The following STARD13 variants were observed in gnomAD, a reference collection of about 807,000 sequenced individuals.
STARD13 encodes stAR-related lipid transfer protein 13.
A neutral mutation model predicts 106.4 loss-of-function variants in STARD13; 62 were observed. The ratio of observed to expected loss-of-function variants is 0.58; its 90% CI spans 0.48 to 0.72. The LOEUF (loss-of-function observed/expected upper bound fraction) is 0.72, where lower values mean the gene tolerates loss of function less well. STARD13 is among the 30% of genes least tolerant of loss of function. The probability of loss-of-function intolerance (pLI) is 0.00; values close to 1 mark genes in which losing one functional copy is unlikely to be tolerated. For missense variants in STARD13, 1,387 were observed against 1,424.0 expected, an observed-to-expected ratio of 0.97 and a Z score of 0.42; for synonymous variants, 565 against 553.0, an observed-to-expected ratio of 1.02 and a Z score of -0.31.
At chr13:33,371,131 C>T in the STARD13 span, among the ~76,000 whole-genome samples, 1 of 152,206 alleles carries the variant, frequency 6.6e-6, no homozygotes, top group Non-Finnish European at 1.5e-5. Flanking sequence ...CTTCTACCAT[C>T]TGAGCAAAGA....
chr13:33,370,503 T>A, the STARD13 span, among the ~76,000 whole-genome samples: 1 of 152,222 alleles, frequency 6.6e-6, no homozygotes, highest in Non-Finnish European at 1.5e-5. Context: ...TTGGTTATAA[T>A]TTAATCAGTA....
the STARD13 span, among the ~76,000 whole-genome samples, chr13:33,373,105 A>G: frequency 6.6e-6 from 1 of 152,150 alleles, no homozygotes; most frequent in Non-Finnish European, 1.5e-5. Context: ...ACTGTACTAC[A>G]AATAATTTCT....
rs865827780 is a variant in STARD13 at position 33,163,609 on chromosome 13, T to A, written c.323+1728A>T. Among the ~76,000 whole-genome samples the A allele has an allele frequency of 2.5e-3, 180 of 71,516 alleles. 3 individuals carry two copies. The South Asian group carries it at 0.051, about 20-fold the overall frequency. The allele number at this position is 71,516 out of a possible 152,430, so 46.9% of individuals were successfully genotyped here. ...TGTCTCAAAAAAAAAAAAAAAAATA[T>A]ATATATATATATATAAAACATATAT... On this transcript the variant is annotated intron_variant, in intron 3 of 13. Coordinates refer to ENST00000336934, the MANE Select transcript of STARD13 (RefSeq NM_178006.4).
intron 1 of STARD13, among the ~76,000 whole-genome samples, chr13:33,235,625 A>G (rs1889149497): frequency 6.6e-6 from 1 of 152,248 alleles, no homozygotes; most frequent in Admixed American, 6.5e-5. Flanking sequence ...GAGTTACCAG[A>G]AAAGTCTGGT....
At chr13:33,124,438 T>G (rs1047876268) in intron 7 of STARD13, among the ~76,000 whole-genome samples, 1 of 151,948 alleles carries the variant, frequency 6.6e-6, no homozygotes, top group Non-Finnish European at 1.5e-5. Context: ...TTGAAATGAG[T>G]CTTCTTCCTC....
In STARD13 at chr13:33,312,320, G is replaced by C. The variant is rs144504635; in HGVS notation, c.124+37970C>G. On this transcript the variant is annotated intron_variant, in intron 1 of 5. Transcript: ENST00000567873. ...TTCCTTTTCTCTGAATGGCAATCCT[G>C]GGTTCTAGATGCCACCTAGCTGGGG... Among the ~76,000 whole-genome samples the C allele has an allele frequency of 2.1e-4, 32 of 152,274 alleles. No individual in the cohort carries two copies. In the East Asian group the frequency reaches 6.0e-3, roughly 28 times the overall value.
At chr13:33,528,257 C>CATATATATATATATGTATAT in the STARD13 span, among the ~76,000 whole-genome samples, 1 of 92,930 alleles carries the variant, frequency 1.1e-5, no homozygotes, top group African/African-American at 6.5e-5. Flanking sequence ...TATATATATA[C>CATATATATATATATGTATAT]ATATATATAT....
chr13:33,543,210 A>G, the STARD13 span, among the ~76,000 whole-genome samples: 1 of 152,102 alleles, frequency 6.6e-6, no homozygotes, highest in South Asian at 2.1e-4. Context: ...AGATGACACG[A>G]GCTTTGTGGC....
chr13:33,185,901 A>C (rs1334060402), intron 1 of STARD13: 1 of 1,614,080 alleles, frequency 6.2e-7, no homozygotes, highest in Non-Finnish European at 8.5e-7. Context: ...TGTGTGGTTC[A>C]CTCTGCTTTT....
chr13:33,336,277 G>A (rs1441866504), intron 1 of STARD13: 1 of 152,164 alleles, frequency 6.6e-6, no homozygotes, highest in African/African-American at 2.4e-5. Flanking sequence ...AGTAAAACTT[G>A]TTATAACTCT....
At chr13:33,125,979 G>A in intron 7 of STARD13, 102 bp downstream of exon 7, 2 of 1,315,446 alleles carry the variant, frequency 1.5e-6, no homozygotes, top group Non-Finnish European at 2.1e-6. Flanking sequence ...GGTGAGGCAT[G>A]TCTTGCCTGA....
At chr13:33,653,687 T>A in the STARD13 span, among the ~76,000 whole-genome samples, 4 of 147,846 alleles carry the variant, frequency 2.7e-5, no homozygotes, top group Non-Finnish European at 4.4e-5. Context: ...TTGGATTTTA[T>A]GAAAATTAAA....
chr13:33,514,759 T>C, the STARD13 span, among the ~76,000 whole-genome samples: 1 of 152,036 alleles, frequency 6.6e-6, no homozygotes, highest in South Asian at 2.1e-4. Context: ...TGACAGATGA[T>C]ACCATGGATT....
intron 1 of STARD13, among the ~76,000 whole-genome samples, chr13:33,342,439 A>T (rs1286653414): frequency 6.6e-6 from 1 of 151,640 alleles, no homozygotes; most frequent in Non-Finnish European, 1.5e-5. Flanking sequence ...CTTGAGAAGT[A>T]TTTTCCTTAA....
rs60423795 is a variant in STARD13, at chr13:33,177,833, G to T, written c.170-10211C>A. On this transcript the variant is annotated intron_variant, in intron 1 of 13. Transcript: ENST00000336934. ...GGAAGGAAGGAAGGAAGGAAGGAAG[G>T]AAGGAAGGAAAGGAAGGAAGGAAGG... is the stretch of plus-strand genomic sequence containing the variant. Among the ~76,000 whole-genome samples the T allele has an allele frequency of 9.4e-3, 239 of 25,338 alleles. 32 individuals carry two copies. The highest frequency in any genetic ancestry group is 0.076 in the African/African-American group (201 of 2,638). 16.6% of individuals were successfully genotyped at this position (25,338 alleles called of 152,430 possible). A position where few individuals can be genotyped will look rare whatever the true frequency, so the allele number is the denominator to read the frequency against.
rs573803707 is a variant in STARD13, at chr13:33,176,851, G to A, written c.170-9229C>T. ...AAATGTAATCCAAAAGGTTAAGAAA[G>A]TTACATCAACTATAAAAATGTTTTA... On this transcript the variant is annotated intron_variant, in intron 1 of 13. Transcript: ENST00000336934. 7.9e-5 allele frequency among the ~76,000 whole-genome samples: 12 copies of A among 152,192 alleles called. No individual in the cohort carries two copies. The East Asian group carries it at 2.1e-3, about 27-fold the overall frequency.
chr13:33,536,079 C>T, the STARD13 span, among the ~76,000 whole-genome samples: 10 of 152,096 alleles, frequency 6.6e-5, no homozygotes, highest in African/African-American at 1.4e-4. Context: ...TTCCATTTTC[C>T]GTGTGTGCAT....
intron 1 of STARD13, among the ~76,000 whole-genome samples, chr13:33,342,049 C>A (rs1414134404): frequency 6.6e-6 from 1 of 152,200 alleles, no homozygotes; most frequent in African/African-American, 2.4e-5. Flanking sequence ...CCACGGACAG[C>A]TTCCCTAAGT....
At chr13:33,466,135 G>C in the STARD13 span, among the ~76,000 whole-genome samples, 7 of 152,174 alleles carry the variant, frequency 4.6e-5, no homozygotes, top group Non-Finnish European at 1.0e-4. Flanking sequence ...GTTTAGGACA[G>C]AGCAGTCTTA....
Sources: gnomAD v4.1 joint callset for allele counts (sites outside exome capture counted in the v4.1 genomes callset) on GRCh38, gnomAD v4.1.1 for gene constraint, MANE v1.5 for transcripts, NCBI Gene and HGNC (gene_info 2026-07-23, HGNC 2026-07-21) for gene names.